The following PHTF2 variants were observed in gnomAD, a reference collection of about 807,000 sequenced individuals.
PHTF2 encodes protein PHTF2.
PHTF2 carries 60 observed loss-of-function variants against 101.2 expected under a neutral mutation model. That is an observed-to-expected ratio of 0.59 (90% confidence interval 0.48 to 0.73). The LOEUF (loss-of-function observed/expected upper bound fraction) is 0.73. Ranked by LOEUF, PHTF2 falls within the 30% of genes least tolerant of loss-of-function variation. PHTF2 has a pLI of 0.00. For synonymous variants in PHTF2, 311 were observed against 307.3 expected (o/e 1.01, Z -0.13); for missense variants, 747 against 908.7 (o/e 0.82, Z 2.29).
intron 12 of PHTF2, among the ~76,000 whole-genome samples, chr7:77,935,640 G>A (rs1318024171): frequency 6.6e-6 from 1 of 152,216 alleles, no homozygotes; most frequent in Non-Finnish European, 1.5e-5. Flanking sequence ...AAGGTAGCTA[G>A]ATGTAAAAGG....
intron 7 of PHTF2, 87 bp from the exon 7 acceptor site, chr7:77,908,705 CA>C: frequency 2.3e-6 from 2 of 853,890 alleles, no homozygotes; most frequent in Non-Finnish European, 1.7e-6. Flanking sequence ...AATATTTTGG[CA>C]AAAAATAATG....
At chr7:77,825,162 G>A (rs778383811) in intron 1 of PHTF2, among the ~76,000 whole-genome samples, 3 of 152,088 alleles carry the variant, frequency 2.0e-5, no homozygotes, top group Non-Finnish European at 4.4e-5. Flanking sequence ...AAGAAAGAGG[G>A]CAGAAATGGA....
rs375476048 is a variant in PHTF2, at chr7:77,856,071, A to C, written c.147+1237A>C. Among the ~76,000 whole-genome samples, 14 of 152,244 alleles carry C rather than the reference A, an allele frequency of 9.2e-5. No individual in the cohort carries two copies. In the East Asian group the frequency reaches 1.2e-3, roughly 13 times the overall value. On this transcript the variant is annotated intron_variant, in intron 3 of 19. Transcript: ENST00000416283. ...TTGACCATCTTGCTCCAATAACCTA[A>C]ATATGATTTCTTGAAAGTTTTTTTT...
chr7:77,876,127 C>T (rs745506754), intron 3 of PHTF2, among the ~76,000 whole-genome samples: 1 of 152,144 alleles, frequency 6.6e-6, no homozygotes, highest in Non-Finnish European at 1.5e-5. Context: ...CCCCACTTTA[C>T]AACCAAATCT....
chr7:77,857,717 A>G (rs1166027748), intron 3 of PHTF2, among the ~76,000 whole-genome samples: 1 of 152,202 alleles, frequency 6.6e-6, no homozygotes, highest in Non-Finnish European at 1.5e-5. Flanking sequence ...GGTTTTAGAA[A>G]GCAGAGATTT....
chr7:77,813,156 G>GTAT (rs1793583255), intron 1 of PHTF2, among the ~76,000 whole-genome samples: 1 of 152,054 alleles, frequency 6.6e-6, no homozygotes, highest in Non-Finnish European at 1.5e-5. Context: ...TTTATACATG[G>GTAT]TATTTAAACC....
intron 2 of PHTF2, among the ~76,000 whole-genome samples, chr7:77,853,279 T>C (rs551986914): frequency 6.6e-6 from 1 of 152,284 alleles, no homozygotes; most frequent in South Asian, 2.1e-4. Flanking sequence ...TTCTTTTGTC[T>C]CTTCTGACTG....
chr7:77,804,633 G>C (rs1792829937), intron 1 of PHTF2, among the ~76,000 whole-genome samples: 1 of 152,020 alleles, frequency 6.6e-6, no homozygotes, highest in African/African-American at 2.4e-5. Context: ...ACCTTAATGA[G>C]GGTTCTTTTA....
chr7:77,913,702 A>G (rs901104409), intron 9 of PHTF2, among the ~76,000 whole-genome samples: 1 of 151,980 alleles, frequency 6.6e-6, no homozygotes, highest in African/African-American at 2.4e-5. Flanking sequence ...TCCCACCTTA[A>G]CCTCCCAAAG....
chr7:77,871,142 A>G (rs1369914437), intron 3 of PHTF2, among the ~76,000 whole-genome samples: 2 of 151,826 alleles, frequency 1.3e-5, no homozygotes, highest in Non-Finnish European at 2.9e-5. Context: ...TCTCTGGTGG[A>G]GTGACCCAAA....
chr7:77,811,452 A>G (rs111786405), intron 1 of PHTF2, among the ~76,000 whole-genome samples: 1,621 of 152,308 alleles, frequency 0.011, 18 homozygotes, highest in Non-Finnish European at 0.017. Flanking sequence ...TTACCCATTA[A>G]TTTTAACATC....
intron 1 of PHTF2, among the ~76,000 whole-genome samples, chr7:77,809,476 C>G (rs960200942): frequency 2.0e-5 from 3 of 152,046 alleles, no homozygotes; most frequent in African/African-American, 7.2e-5. Flanking sequence ...ATCCACCCAC[C>G]TCAGCCTCCC....
At chr7:77,808,069 C>T (rs538161332) in intron 1 of PHTF2, among the ~76,000 whole-genome samples, 1 of 152,124 alleles carries the variant, frequency 6.6e-6, no homozygotes. Flanking sequence ...CAATATCACA[C>T]TGTTATGATT....
At chr7:77,812,802 G>T (rs11768004) in intron 1 of PHTF2, among the ~76,000 whole-genome samples, 32,123 of 151,978 alleles carry the variant, frequency 0.21, 3,836 homozygotes, top group South Asian at 0.27. Flanking sequence ...TGTTAGCCAG[G>T]ATGGTCTCGA....
intron 3 of PHTF2, among the ~76,000 whole-genome samples, chr7:77,873,444 C>A (rs1798683176): frequency 6.6e-6 from 1 of 152,156 alleles, no homozygotes; most frequent in Admixed American, 6.5e-5. Context: ...CCTCATCAGT[C>A]ACACTATCAA....
chr7:77,918,284 C>G (rs956928079), intron 9 of PHTF2, among the ~76,000 whole-genome samples: 4 of 152,078 alleles, frequency 2.6e-5, no homozygotes, highest in African/African-American at 7.2e-5. Context: ...GCCACTATTT[C>G]TACTTTGACT....
intron 1 of PHTF2, among the ~76,000 whole-genome samples, chr7:77,830,907 G>A (rs1259296871): frequency 6.6e-6 from 1 of 152,172 alleles, no homozygotes; most frequent in African/African-American, 2.4e-5. Flanking sequence ...CACAGATTTG[G>A]TTAAGCCCAC....
At chr7:77,845,913 G>A (rs1340972721) in intron 2 of PHTF2, among the ~76,000 whole-genome samples, 1 of 152,074 alleles carries the variant, frequency 6.6e-6, no homozygotes, top group Non-Finnish European at 1.5e-5. Flanking sequence ...CTTTTCTCAG[G>A]GTTTACTTAA....
intron 9 of PHTF2, among the ~76,000 whole-genome samples, chr7:77,916,045 A>G (rs1194774337): frequency 1.3e-5 from 2 of 151,774 alleles, no homozygotes; most frequent in Non-Finnish European, 2.9e-5. Flanking sequence ...CTATACGGTA[A>G]TACTTTAATT....
Sources: gnomAD v4.1 joint callset for allele counts (sites outside exome capture counted in the v4.1 genomes callset) on GRCh38, gnomAD v4.1.1 for gene constraint, MANE v1.5 for transcripts, NCBI Gene and HGNC (gene_info 2026-07-23, HGNC 2026-07-21) for gene names.